The following PPP1R9A variants were observed in gnomAD, a reference collection of about 807,000 sequenced individuals.
The protein encoded by PPP1R9A is neurabin-1.
In PPP1R9A, 59 loss-of-function variants were observed where a neutral mutation model predicts 141.9. The observed-to-expected ratio is 0.42, with a 90% CI of 0.34 to 0.52. The LOEUF (loss-of-function observed/expected upper bound fraction) is 0.52, where lower values mean the gene tolerates loss of function less well. Ranked by LOEUF, PPP1R9A falls within the 20% of genes least tolerant of loss-of-function variation. The pLI, the probability that PPP1R9A is intolerant of heterozygous loss-of-function variation, is 0.10. For synonymous variants in PPP1R9A, 500 were observed against 569.7 expected (o/e 0.88, Z 1.74); for missense variants, 1,444 against 1,611.9 (o/e 0.90, Z 1.78).
At chr7:95,251,702 G>A (rs1798895438) in intron 10 of PPP1R9A, 60 bp from the exon 11 acceptor site, 1 of 1,476,818 alleles carries the variant, frequency 6.8e-7, no homozygotes, top group African/African-American at 1.4e-5. Context: ...TATTGTTTCA[G>A]ATAAGAACTT....
chr7:95,078,295 A>G (rs1299339093), intron 2 of PPP1R9A, among the ~76,000 whole-genome samples: 2 of 151,718 alleles, frequency 1.3e-5, no homozygotes, highest in South Asian at 2.1e-4. Flanking sequence ...CCATGTCCCT[A>G]CAAAGGACAT....
At chr7:95,231,325 T>C (rs911238945) in intron 8 of PPP1R9A, among the ~76,000 whole-genome samples, 1 of 152,150 alleles carries the variant, frequency 6.6e-6, no homozygotes, top group South Asian at 2.1e-4. Flanking sequence ...CTGTCAGCAC[T>C]AGACAGGTGG....
chr7:95,155,999 C>G (rs1310508025), intron 4 of PPP1R9A: 1 of 152,184 alleles, frequency 6.6e-6, no homozygotes, highest in Non-Finnish European at 1.5e-5. Flanking sequence ...CTGGTGATGT[C>G]TTTGCCCAAG....
At chr7:95,074,776 A>G (rs1031179763) in intron 2 of PPP1R9A, among the ~76,000 whole-genome samples, 2 of 151,958 alleles carry the variant, frequency 1.3e-5, no homozygotes, top group Non-Finnish European at 2.9e-5. Context: ...GCCCGGCCCA[A>G]AGACTACATA....
intron 4 of PPP1R9A, 29 bp downstream of exon 4, chr7:95,120,861 A>C: frequency 6.3e-7 from 1 of 1,596,744 alleles, no homozygotes; most frequent in Non-Finnish European, 8.5e-7. Flanking sequence ...TTAATAACTT[A>C]AAATCTTTAG....
intron 2 of PPP1R9A, among the ~76,000 whole-genome samples, chr7:94,920,616 C>T (rs1351200031): frequency 2.6e-5 from 4 of 152,172 alleles, no homozygotes; most frequent in Non-Finnish European, 5.9e-5. Flanking sequence ...CTGTTAGTCT[C>T]CTGCCCTCTT....
intron 2 of PPP1R9A, among the ~76,000 whole-genome samples, chr7:94,931,058 C>G (rs1794095711): frequency 6.6e-6 from 1 of 151,708 alleles, no homozygotes; most frequent in Admixed American, 6.6e-5. Context: ...TTCTTTTTTT[C>G]CTTTGCAGAT....
chr7:94,927,374 CTT>C (rs1793614458), intron 2 of PPP1R9A, among the ~76,000 whole-genome samples: 1 of 152,004 alleles, frequency 6.6e-6, no homozygotes, highest in African/African-American at 2.4e-5. Context: ...GAATATATGA[CTT>C]AATATGAAGG....
intron 17 of PPP1R9A, among the ~76,000 whole-genome samples, chr7:95,285,783 G>A (rs1232073733): frequency 1.3e-5 from 2 of 152,170 alleles, no homozygotes; most frequent in Non-Finnish European, 2.9e-5. Context: ...CTTCCCAGGA[G>A]GTGCTCTAGC....
chr7:95,170,109 G>T (rs1273314807), intron 5 of PPP1R9A, among the ~76,000 whole-genome samples: 1 of 151,632 alleles, frequency 6.6e-6, no homozygotes, highest in African/African-American at 2.4e-5. Context: ...CATTGGATGG[G>T]ATAACAGATT....
intron 5 of PPP1R9A, among the ~76,000 whole-genome samples, chr7:95,183,312 G>T (rs1251680426): frequency 6.6e-6 from 1 of 151,284 alleles, no homozygotes; most frequent in Non-Finnish European, 1.5e-5. Context: ...TAATTTTTTT[G>T]TATTTTTAGT....
intron 2 of PPP1R9A, among the ~76,000 whole-genome samples, chr7:94,993,647 G>T (rs781526714): frequency 6.6e-6 from 1 of 151,532 alleles, no homozygotes; most frequent in Middle Eastern, 3.2e-3. Context: ...TCCTATTTTT[G>T]CTGCTAAGGT....
At chr7:95,147,042 G>A (rs1016921537) in intron 4 of PPP1R9A, among the ~76,000 whole-genome samples, 18 of 152,258 alleles carry the variant, frequency 1.2e-4, no homozygotes, top group African/African-American at 3.9e-4. Flanking sequence ...GAAAGTCAAT[G>A]GTAGCTTGAT....
At chr7:94,940,457 G>T (rs1187500589) in intron 2 of PPP1R9A, among the ~76,000 whole-genome samples, 7 of 151,660 alleles carry the variant, frequency 4.6e-5, no homozygotes, top group Non-Finnish European at 1.0e-4. Flanking sequence ...GTTACTCTGA[G>T]AATTCTTTCC....
At chr7:95,041,799 CTTATTA>C (rs1273464293) in intron 2 of PPP1R9A, among the ~76,000 whole-genome samples, 1 of 151,998 alleles carries the variant, frequency 6.6e-6, no homozygotes, top group South Asian at 2.1e-4. Flanking sequence ...CATTATTTTA[CTTATTA>C]TTATAATTTA....
chr7:95,004,334 C>CA (rs1026722864), intron 2 of PPP1R9A, among the ~76,000 whole-genome samples: 11 of 150,648 alleles, frequency 7.3e-5, no homozygotes, highest in Admixed American at 1.3e-4. Context: ...GTATGACGGC[C>CA]AAAAAAAAGC....
chr7:94,938,010 A>C (rs1002260434), intron 2 of PPP1R9A, among the ~76,000 whole-genome samples: 1 of 152,150 alleles, frequency 6.6e-6, no homozygotes, highest in Non-Finnish European at 1.5e-5. Flanking sequence ...CAACATATTC[A>C]CTATAGTTTT....
At chr7:95,011,911 GAATA>G (rs1804474221) in intron 2 of PPP1R9A, among the ~76,000 whole-genome samples, 1 of 152,132 alleles carries the variant, frequency 6.6e-6, no homozygotes, top group South Asian at 2.1e-4. Flanking sequence ...TATTTAATGT[GAATA>G]AATATATATG....
At chr7:95,018,943 A>G (rs1368337710) in intron 2 of PPP1R9A, among the ~76,000 whole-genome samples, 2 of 152,222 alleles carry the variant, frequency 1.3e-5, no homozygotes, top group Non-Finnish European at 1.5e-5. Flanking sequence ...TGACATTACC[A>G]AGGTAATTAA....
Sources: gnomAD v4.1 joint callset for allele counts (sites outside exome capture counted in the v4.1 genomes callset) on GRCh38, gnomAD v4.1.1 for gene constraint, MANE v1.5 for transcripts, NCBI Gene and HGNC (gene_info 2026-07-23, HGNC 2026-07-21) for gene names.